Variants in CNOT10 observed in about 807,000 individuals in gnomAD.
CNOT10 encodes the protein CCR4-NOT transcription complex, subunit 10.
CNOT10 carries 30 observed loss-of-function variants against 94.6 expected under a neutral mutation model. The ratio of observed to expected loss-of-function variants is 0.32; its 90% CI spans 0.24 to 0.43. The LOEUF (loss-of-function observed/expected upper bound fraction) is 0.43. Among genes scored for constraint, CNOT10 ranks in the 20% least tolerant of loss-of-function variants. CNOT10 has a pLI of 1.00. For synonymous variants in CNOT10, 289 were observed against 301.6 expected, an observed-to-expected ratio of 0.96 and a Z score of 0.43; for missense variants, 759 against 877.2, an observed-to-expected ratio of 0.87 and a Z score of 1.70.
At chr3:32,695,964 AGAG>A in intron 1 of CNOT10, 1 of 606,022 alleles carries the variant, frequency 1.7e-6, no homozygotes, top group Non-Finnish European at 2.7e-6. Context: ...ATCCTGTTGA[AGAG>A]AGTGTGTGTG....
intron 8 of CNOT10, among the ~76,000 whole-genome samples, chr3:32,722,979 T>C (rs1193974798): frequency 6.6e-6 from 1 of 152,208 alleles, no homozygotes; most frequent in Non-Finnish European, 1.5e-5. Flanking sequence ...TGTCAGAAGA[T>C]TACCTTTAGA....
chr3:32,727,993 T>A, intron 10 of CNOT10, 123 bp downstream of exon 10: 1 of 588,244 alleles, frequency 1.7e-6, no homozygotes, highest in East Asian at 3.6e-5. Context: ...ATTTATTTAT[T>A]TATTTATTTA....
intron 8 of CNOT10, among the ~76,000 whole-genome samples, chr3:32,721,674 TCTCC>T (rs954929461): frequency 6.7e-6 from 1 of 149,412 alleles, no homozygotes; most frequent in African/African-American, 2.5e-5. Flanking sequence ...TGAGCCAGTG[TCTCC>T]CTCCGTCGCC....
chr3:32,735,035 C>G (rs1430647200), intron 12 of CNOT10, 59 bp downstream of exon 12: 6 of 1,394,684 alleles, frequency 4.3e-6, no homozygotes, highest in Non-Finnish European at 4.9e-6. Context: ...TTTAGTAAAC[C>G]CTTTGTTCTT....
intron 13 of CNOT10, among the ~76,000 whole-genome samples, chr3:32,740,391 G>A (rs963791292): frequency 2.6e-5 from 4 of 152,088 alleles, no homozygotes; most frequent in African/African-American, 7.2e-5. Context: ...CCGGGGAGGC[G>A]GAGGGAGGTT....
intron 13 of CNOT10, among the ~76,000 whole-genome samples, chr3:32,745,062 A>G (rs1699633039): frequency 6.6e-6 from 1 of 151,974 alleles, no homozygotes; most frequent in Admixed American, 6.6e-5. Context: ...TATTATTAGT[A>G]GAGACGGGGT....
chr3:32,720,512 A>AT (rs148136200), intron 8 of CNOT10, among the ~76,000 whole-genome samples: 8,386 of 138,870 alleles, frequency 0.06, 274 homozygotes, highest in African/African-American at 0.085. Context: ...ATTTTATTTT[A>AT]TTTTATTTTT....
intron 18 of CNOT10, among the ~76,000 whole-genome samples, chr3:32,770,658 CAG>C (rs1700864459): frequency 6.6e-6 from 1 of 151,528 alleles, no homozygotes; most frequent in Non-Finnish European, 1.5e-5. Flanking sequence ...TTTTTCTCTT[CAG>C]AGTCAGAAAT....
intron 5 of CNOT10, among the ~76,000 whole-genome samples, chr3:32,714,536 GT>G (rs1698037245): frequency 1.3e-5 from 2 of 151,058 alleles, no homozygotes; most frequent in African/African-American, 4.9e-5. Context: ...TGGTGAAACC[GT>G]GTCTTTACTA....
At chr3:32,731,392 G>A (rs1225211312) in intron 10 of CNOT10, among the ~76,000 whole-genome samples, 1 of 152,110 alleles carries the variant, frequency 6.6e-6, no homozygotes, top group Non-Finnish European at 1.5e-5. Context: ...GATTGACTCC[G>A]GTTTGTTCTG....
chr3:32,764,241 G>A (rs1700568925), intron 15 of CNOT10: 6 of 510,406 alleles, frequency 1.2e-5, no homozygotes, highest in Non-Finnish European at 2.0e-5. Context: ...GGAGGCTGAG[G>A]CAGGAGAATC....
At chr3:32,764,518 G>A (rs769368111) in intron 16 of CNOT10, 28 bp downstream of exon 16, 1 of 1,612,550 alleles carries the variant, frequency 6.2e-7, no homozygotes, top group South Asian at 1.1e-5. Flanking sequence ...TGATACTTAA[G>A]TAGCCTGGCC....
chr3:32,740,732 G>A (rs939665656), intron 13 of CNOT10, among the ~76,000 whole-genome samples: 1 of 151,580 alleles, frequency 6.6e-6, no homozygotes, highest in Non-Finnish European at 1.5e-5. Context: ...CGTGGTGGCG[G>A]GCGCCTGTAG....
At chr3:32,762,325 A>G (rs1039650373) in intron 14 of CNOT10, among the ~76,000 whole-genome samples, 15 of 151,782 alleles carry the variant, frequency 9.9e-5, no homozygotes, top group Admixed American at 9.9e-4. Flanking sequence ...GCTGAGGTGC[A>G]GTGGCATGAT....
chr3:32,692,922 G>A (rs1166409308), intron 1 of CNOT10, among the ~76,000 whole-genome samples: 1 of 152,086 alleles, frequency 6.6e-6, no homozygotes, highest in Non-Finnish European at 1.5e-5. Flanking sequence ...CTGCGTGCCT[G>A]TAGTCCCAGC....
chr3:32,706,660 A>T (rs1254469846), intron 3 of CNOT10, among the ~76,000 whole-genome samples: 2 of 152,216 alleles, frequency 1.3e-5, no homozygotes, highest in African/African-American at 2.4e-5. Flanking sequence ...TTGTGTGATA[A>T]TTATTCAACC....
At position 32,764,757 on chromosome 3, in the gene CNOT10, G is replaced by A. The variant is rs1368033163; in HGVS notation, c.1952G>A (p.Ser651Asn). 6.2e-7 allele frequency: 1 copy of A among 1,614,162 alleles called. No homozygotes were observed. Among genetic ancestry groups the A allele is most frequent in the Admixed American group, 1.7e-5 (1 of 60,020 alleles). ...ACTGTGATGCTGTTCAACCTTGGCA[G>A]CGCTTACTGCCTGAGGAGCGAATAT... ...ARTVMLFNLG[S>N]AYCLRSEYDK... The change falls in exon 17 of 19, where the codon AGC (serine) becomes AAC (asparagine). Residue 651 changes from serine (S) to asparagine (N), a missense_variant. By Grantham distance (46) the Ser-to-Asn change is conservative. This residue lies in a region of CNOT10 where 682 missense variants were observed against 799.4 expected (regional missense o/e 0.85). Transcript: ENST00000328834.
chr3:32,712,464 C>A (rs1428421735), intron 4 of CNOT10, among the ~76,000 whole-genome samples: 2 of 152,062 alleles, frequency 1.3e-5, no homozygotes, highest in Non-Finnish European at 2.9e-5. Flanking sequence ...GGAATATTTG[C>A]ATTATACTTA....
chr3:32,740,250 G>A (rs748054050), intron 13 of CNOT10, among the ~76,000 whole-genome samples: 3 of 151,862 alleles, frequency 2.0e-5, no homozygotes, highest in Non-Finnish European at 2.9e-5. Flanking sequence ...CACGAGGTCA[G>A]GAGTTCAAGA....
Sources: allele counts gnomAD v4.1 joint callset (sites outside exome capture counted in the v4.1 genomes callset), GRCh38; gene constraint gnomAD v4.1.1; regional missense constraint gnomAD v4.1.1; transcripts MANE v1.5; gene names NCBI Gene and HGNC (gene_info 2026-07-23, HGNC 2026-07-21).